The following ACTL6A variants were observed in gnomAD, a reference collection of about 807,000 sequenced individuals.
ACTL6A encodes the protein actin-like protein 6A.
A neutral mutation model predicts 59.2 loss-of-function variants in ACTL6A; 5 were observed. That is an observed-to-expected ratio of 0.08 (90% CI 0.04 to 0.18). The LOEUF (loss-of-function observed/expected upper bound fraction) is 0.18. Ranked by LOEUF, ACTL6A falls within the 10% of genes least tolerant of loss-of-function variation. ACTL6A has a pLI of 1.00. For missense variants in ACTL6A, 285 were observed against 526.9 expected, an observed-to-expected ratio of 0.54 and a Z score of 4.49; for synonymous variants, 154 against 171.8, an observed-to-expected ratio of 0.90 and a Z score of 0.81.
chr3:179,565,951 C>T (rs879384465), intron 1 of ACTL6A, among the ~76,000 whole-genome samples: 10 of 151,940 alleles, frequency 6.6e-5, no homozygotes, highest in African/African-American at 1.5e-4. Flanking sequence ...TGTAGTTTCC[C>T]GGTTGAGATA....
In ACTL6A at chr3:179,580,635, C is replaced by T; in HGVS notation, c.769-5C>T. Reference sequence around the variant, plus strand: ...TTGTTTGTTACTTTTTTCTTTTACTCACAGTGTGTTATCCAGGATTTTCAA... The same window carrying T: ...TTGTTTGTTACTTTTTTCTTTTACTTACAGTGTGTTATCCAGGATTTTCAA... On this transcript the variant is annotated splice_polypyrimidine_tract_variant and splice_region_variant and intron_variant, in intron 8 of 13. Transcript: ENST00000429709. 1.3e-6 allele frequency: 2 copies of T among 1,593,498 alleles called. No individual in the cohort carries two copies. Among genetic ancestry groups the T allele is most frequent in the Middle Eastern group, 1.7e-4 (1 of 5,982 alleles).
At chr3:179,577,357 G>A (rs2108363869) in intron 8 of ACTL6A, among the ~76,000 whole-genome samples, 1 of 152,104 alleles carries the variant, frequency 6.6e-6, no homozygotes, top group South Asian at 2.1e-4. Flanking sequence ...ATGTGTTTTT[G>A]TTCAGAACAA....
chr3:179,586,446 A>T, intron 12 of ACTL6A, 100 bp from the exon 13 acceptor site: 1 of 863,780 alleles, frequency 1.2e-6, no homozygotes. Flanking sequence ...CAATATGGCG[A>T]GGAAGACCCT....
At chr3:179,569,691 T>C (rs923918126) in intron 1 of ACTL6A, 133 bp from the exon 2 acceptor site, 5 of 739,798 alleles carry the variant, frequency 6.8e-6, no homozygotes, top group Non-Finnish European at 1.1e-5. Flanking sequence ...AAGAAATTCA[T>C]TGTAGTCCCA....
At chr3:179,574,341 C>T (rs1200778364) in intron 4 of ACTL6A, 29 bp from the exon 5 acceptor site, 2 of 1,402,416 alleles carry the variant, frequency 1.4e-6, no homozygotes, top group Admixed American at 1.7e-5. Context: ...TTCTTAATAA[C>T]TTGCATTTCT....
chr3:179,564,027 C>T (rs184305893), intron 1 of ACTL6A, among the ~76,000 whole-genome samples: 7 of 152,330 alleles, frequency 4.6e-5, no homozygotes, highest in Admixed American at 3.9e-4. Flanking sequence ...TGAAATAATG[C>T]TGCATTTGCC....
intron 1 of ACTL6A, among the ~76,000 whole-genome samples, chr3:179,569,541 A>C (rs1717940047): frequency 6.6e-6 from 1 of 152,222 alleles, no homozygotes; most frequent in African/African-American, 2.4e-5. Flanking sequence ...TCAAGTGAGT[A>C]ATAATATGAA....
In ACTL6A at chr3:179,588,083, A is replaced by G; in HGVS notation, c.*73A>G. The G allele has an allele frequency of 8.8e-7, 1 of 1,134,348 alleles. No homozygotes were observed. Among genetic ancestry groups the G allele is most frequent in the Non-Finnish European group, 1.2e-6 (1 of 810,592 alleles). The allele number at this position is 1,134,348 out of a possible 1,614,324, so 70.3% of individuals were successfully genotyped here. On this transcript the variant is annotated 3_prime_UTR_variant, in exon 14 of 14. Transcript: ENST00000429709. Reference sequence around the variant, plus strand: ...TAGCTTTAGTATACTCAGGAAAAGAATGACCATCTTTTGTAGAATGTTTAT... The same window carrying G: ...TAGCTTTAGTATACTCAGGAAAAGAGTGACCATCTTTTGTAGAATGTTTAT...
rs1467033887 is a variant in ACTL6A, at chr3:179,574,396, A to G, written c.405A>G (p.Lys135=). The part of the protein sequence containing the change: ...APWNTRAKRE[K]LTELMFEHYN... Reference sequence around the variant, plus strand: ...GGAATACTAGAGCAAAGAGAGAGAAACTGACAGAGTTAATGTTTGAACACT... The same window carrying G: ...GGAATACTAGAGCAAAGAGAGAGAAGCTGACAGAGTTAATGTTTGAACACT... Residue 135 remains lysine (K), a synonymous_variant, in exon 5 of 14, where the codon AAA becomes AAG. Coordinates refer to ENST00000429709, the MANE Select transcript of ACTL6A (RefSeq NM_004301.5). 3 of 1,613,106 alleles carry G rather than the reference A, an allele frequency of 1.9e-6. No individual in the cohort carries two copies. Among genetic ancestry groups the G allele is most frequent in the Non-Finnish European group, 2.5e-6 (3 of 1,179,260 alleles).
chr3:179,575,181 A>G, intron 5 of ACTL6A: 1 of 353,114 alleles, frequency 2.8e-6, no homozygotes, highest in Non-Finnish European at 5.5e-6. Flanking sequence ...GCTTTAAGCC[A>G]GAATCGTCTT....
chr3:179,564,679 T>C (rs1251859307), intron 1 of ACTL6A, among the ~76,000 whole-genome samples: 3 of 152,186 alleles, frequency 2.0e-5, no homozygotes, highest in Admixed American at 1.3e-4. Flanking sequence ...ACTAAACTAA[T>C]TAGGACAGGA....
At chr3:179,587,118 T>C (rs1045970986) in intron 13 of ACTL6A, among the ~76,000 whole-genome samples, 3 of 152,180 alleles carry the variant, frequency 2.0e-5, no homozygotes, top group Non-Finnish European at 2.9e-5. Context: ...CCTTGTACTT[T>C]TCTGCATCCT....
chr3:179,585,382 G>A lies in ACTL6A; in HGVS notation c.1123-1164G>A, dbSNP rs527890662. 2.8e-4 allele frequency among the ~76,000 whole-genome samples: 42 copies of A among 152,278 alleles called. No individual in the cohort carries two copies. The Middle Eastern group carries it at 0.014, about 49-fold the overall frequency. ...CTCCCAAAGTGCTGGGATTATAGGCGTGAGCCACTGCACCGGTCTATAATA... is the reference window on the plus strand; with the variant it reads ...CTCCCAAAGTGCTGGGATTATAGGCATGAGCCACTGCACCGGTCTATAATA... On this transcript the variant is annotated intron_variant, in intron 12 of 13. Transcript: ENST00000429709.
At chr3:179,565,740 C>T (rs1177589262) in intron 1 of ACTL6A, among the ~76,000 whole-genome samples, 1 of 152,060 alleles carries the variant, frequency 6.6e-6, no homozygotes, top group Non-Finnish European at 1.5e-5. Flanking sequence ...TTTGCTACAC[C>T]TTGAATTTCA....
chr3:179,568,296 A>T (rs1717900066), intron 1 of ACTL6A, among the ~76,000 whole-genome samples: 1 of 152,166 alleles, frequency 6.6e-6, no homozygotes, highest in South Asian at 2.1e-4. Context: ...CATATTAAAA[A>T]TATGTAAGTT....
intron 9 of ACTL6A, 85 bp downstream of exon 9, chr3:179,580,786 T>C: frequency 7.2e-7 from 1 of 1,384,384 alleles, no homozygotes; most frequent in South Asian, 1.3e-5. Context: ...GTTTAAAATA[T>C]TCTCACTCCC....
chr3:179,574,432 T>C lies in ACTL6A; in HGVS notation c.441T>C (p.Pro147=), dbSNP rs1398585671. 2 of 1,613,398 alleles carry C rather than the reference T, an allele frequency of 1.2e-6. No homozygotes were observed. The highest frequency in any genetic ancestry group is 2.2e-5 in the South Asian group (2 of 91,054). The stretch of plus-strand genomic sequence containing the variant: ...TAATGTTTGAACACTACAACATCCC[T>C]GCCTTCTTCCTTTGCAAAACTGCAG... ...TELMFEHYNI[P]AFFLCKTAVL... The change falls in exon 5 of 14, where the codon CCT becomes CCC. Residue 147 remains proline, a synonymous_variant. Transcript: ENST00000429709.
chr3:179,564,264 G>T (rs1717764225), intron 1 of ACTL6A, among the ~76,000 whole-genome samples: 1 of 152,182 alleles, frequency 6.6e-6, no homozygotes, highest in Admixed American at 6.5e-5. Flanking sequence ...ACTGTGTCTA[G>T]TAGTGATGCT....
At position 179,569,859 on chromosome 3, in the gene ACTL6A, T is replaced by C. The variant is rs145934322; in HGVS notation, c.61T>C (p.Tyr21His). 2.2e-4 allele frequency: 348 copies of C among 1,614,226 alleles called. No individual in the cohort carries two copies. In the African/African-American group the frequency reaches 4.4e-3, roughly 21 times the overall value. The change falls in exon 2 of 14, where the codon TAT becomes CAT. Residue 21 changes from tyrosine (Y) to histidine (H), a missense_variant. Transcript: ENST00000429709. ...AGCCCTTGTTTTTGACATTGGATCC[T>C]ATACTGTGAGAGCTGGTTATGCTGG... The part of the protein sequence containing the change: ...VGALVFDIGS[Y>H]TVRAGYAGED...
Sources: gnomAD v4.1 joint callset for allele counts (sites outside exome capture counted in the v4.1 genomes callset) on GRCh38, gnomAD v4.1.1 for gene constraint, MANE v1.5 for transcripts, NCBI Gene and HGNC (gene_info 2026-07-23, HGNC 2026-07-21) for gene names.